IRS2: variants seen among roughly 807,000 people sequenced by gnomAD.
IRS2 encodes the protein insulin receptor substrate 2.
IRS2 carries 28 observed loss-of-function variants against 70.9 expected under a neutral mutation model. That is an observed-to-expected ratio of 0.39 (90% CI 0.29 to 0.54). The LOEUF (loss-of-function observed/expected upper bound fraction) is 0.54. Ranked by LOEUF, IRS2 falls within the 20% of genes least tolerant of loss-of-function variation. The pLI, the probability that IRS2 is intolerant of heterozygous loss-of-function variation, is 0.59. For missense variants in IRS2, 2,081 were observed against 2,024.1 expected (o/e 1.03, Z -0.54); for synonymous variants, 1,217 against 981.9 (o/e 1.24, Z -4.48).
At position 109,762,337 on chromosome 13, in the gene IRS2, A is replaced by G. The variant is rs186874740; in HGVS notation, c.4013-6029T>C. On this transcript the variant is annotated intron_variant, in intron 1 of 1. Coordinates refer to ENST00000375856, the MANE Select transcript of IRS2 (RefSeq NM_003749.3). The stretch of plus-strand genomic sequence containing the variant: ...AATTGCGGGTGGACCCTTTCTTTTA[A>G]ATTATGAAATGTTAGACCCTTTTTA... 3.1e-3 allele frequency among the ~76,000 whole-genome samples: 476 copies of G among 152,306 alleles called. 7 individuals are homozygous for G. Among genetic ancestry groups the G allele is most frequent in the South Asian group, 0.022 (106 of 4,824 alleles).
chr13:109,783,773 G>A lies in IRS2; in HGVS notation c.2281C>T (p.Leu761=), dbSNP rs747091367. 3 of 1,597,324 alleles carry A rather than the reference G, an allele frequency of 1.9e-6. No individual in the cohort carries two copies. The South Asian group carries it at 3.4e-5, about 18-fold the overall frequency. The change falls in exon 1 of 2, where the codon CTG becomes TTG. Residue 761 remains leucine (L), a synonymous_variant. Coordinates refer to ENST00000375856, the MANE Select transcript of IRS2 (RefSeq NM_003749.3). ...LSMEHADGKL[L]PNGDYLNVSP... The stretch of plus-strand genomic sequence containing the variant: ...ACGTTGAGGTAGTCCCCGTTGGGCA[G>A]CAGCTTGCCATCTGCATGCTCCATG...
In IRS2 at chr13:109,782,336, G is replaced by T. The variant is rs771644657; in HGVS notation, c.3718C>A (p.Arg1240Ser). 2 of 1,611,598 alleles carry T rather than the reference G, an allele frequency of 1.2e-6. No homozygotes were observed. Among genetic ancestry groups the T allele is most frequent in the East Asian group, 4.5e-5 (2 of 44,766 alleles). The change falls in exon 1 of 2, where the codon CGC becomes AGC. Residue 1240 changes from arginine to serine, a missense_variant. This residue lies in a region of IRS2 where 1,615 missense variants were observed against 1,459.5 expected (regional missense o/e 1.11). Coordinates refer to ENST00000375856, the MANE Select transcript of IRS2 (RefSeq NM_003749.3). ...GCPGSGGSPM[R>S]RETSAGFQNG... ...TGGAAGCCGGCAGAGGTCTCTCTGC[G>T]CATGGGCGATCCACCGCTCCCAGGA...
intron 1 of IRS2, among the ~76,000 whole-genome samples, chr13:109,770,887 A>G (rs1412334034): frequency 6.6e-6 from 1 of 152,260 alleles, no homozygotes; most frequent in Non-Finnish European, 1.5e-5. Context: ...GATTCTAAAC[A>G]GCCCAGCGAA....
Position 109,783,733 on chromosome 13 carries a change from G to C in IRS2, c.2321C>G (p.Ala774Gly). 1.9e-6 allele frequency: 3 copies of C among 1,581,934 alleles called. No homozygotes were observed. Among genetic ancestry groups the C allele is most frequent in the Non-Finnish European group, 2.6e-6 (3 of 1,164,130 alleles). ...GDYLNVSPSD[A>G]VTTGTPPDFF... ...GTCGGGCGGGGTGCCCGTGGTGACC[G>C]CGTCGCTGGGGGACACGTTGAGGTA... Residue 774 changes from alanine (A) to glycine (G), a missense_variant, in exon 1 of 2, where the codon GCG (alanine) becomes GGG (glycine). Around this residue, in one of 4 missense-constraint regions of IRS2, gnomAD observed 1,615 missense variants for 1,459.5 expected, o/e 1.11. Transcript: ENST00000375856.
In IRS2 at chr13:109,784,674, CG is replaced by C; in HGVS notation, c.1379del (p.Pro460ArgfsTer84). ...SSSGHGSGSY[P>X]PPPGPHPPLP... ...GAGGCGGGTGCGGGCCGGGCGGCGG[CG>C]GGTAGGAGCCCGAGCCGTGGCCGCT... On this transcript the variant is annotated frameshift_variant, in exon 1 of 2. Transcript: ENST00000375856. LOFTEE classifies it high-confidence loss of function. The surrounding 1 kb of genome is among the most constrained non-coding windows in gnomAD (Gnocchi z 5.2). The C allele has an allele frequency of 1.6e-6, 2 of 1,242,274 alleles. No individual in the cohort carries two copies. Among genetic ancestry groups the C allele is most frequent in the Non-Finnish European group, 2.0e-6 (2 of 996,086 alleles). The allele number at this position is 1,242,274 out of a possible 1,614,324, so 77.0% of individuals were successfully genotyped here. A position where few individuals can be genotyped will look rare whatever the true frequency, so the allele number is the denominator to read the frequency against.
At chr13:109,780,637 A>G (rs978483214) in intron 1 of IRS2, among the ~76,000 whole-genome samples, 1 of 152,334 alleles carries the variant, frequency 6.6e-6, no homozygotes, top group Middle Eastern at 3.4e-3. Flanking sequence ...AGATAGCACT[A>G]AACTGGTCTA....
intron 1 of IRS2, 111 bp downstream of exon 1, chr13:109,781,931 G>C (rs767175079): frequency 5.9e-4 from 723 of 1,226,744 alleles, no homozygotes; most frequent in Non-Finnish European, 7.6e-4. Context: ...GTGCCAGGCT[G>C]TCGGCTTCTG....
chr13:109,781,174 A>G (rs1244354824), intron 1 of IRS2, among the ~76,000 whole-genome samples: 1 of 152,118 alleles, frequency 6.6e-6, no homozygotes, highest in African/African-American at 2.4e-5. Context: ...CCCAACAGGT[A>G]ATTTTTCAAT....
intron 1 of IRS2, among the ~76,000 whole-genome samples, chr13:109,777,116 G>T (rs1028137128): frequency 6.6e-6 from 1 of 152,092 alleles, no homozygotes; most frequent in African/African-American, 2.4e-5. Flanking sequence ...ATGCAGGATG[G>T]GGGGCGGGGG....
rs1594392758 is a variant in IRS2 at position 109,785,481 on chromosome 13, C to T, written c.573G>A (p.Thr191=). 4 of 1,611,694 alleles carry T rather than the reference C, an allele frequency of 2.5e-6. No individual in the cohort carries two copies. Among genetic ancestry groups the T allele is most frequent in the East Asian group, 2.2e-5 (1 of 44,796 alleles). ...EDSYGLVAPA[T]AAYREVWQVN... is the part of the protein sequence containing the mutation. ...CCTGCCACACCTCACGGTAGGCGGC[C>T]GTGGCGGGAGCCACCAGCCCGTAGC... The change falls in exon 1 of 2, where the codon ACG becomes ACA. Residue 191 remains threonine, a synonymous_variant. Transcript: ENST00000375856. This position sits in a 1 kb window ranked among gnomAD's most constrained non-coding sequence, Gnocchi z 9.3.
In IRS2 at chr13:109,782,253, C is replaced by T. The variant is rs767251698; in HGVS notation, c.3801G>A (p.Gln1267=). ...DVREEPGLPP[Q]PQPPPPPLPQ... ...GAAGCGGCGGCGGCGGCGGCTGCGG[C>T]TGGGGTGGCAGCCCGGGCTCCTCCC... Residue 1267 remains glutamine (Q), a synonymous_variant, in exon 1 of 2, where the codon CAG becomes CAA. Transcript: ENST00000375856. The T allele has an allele frequency of 6.2e-7, 1 of 1,606,960 alleles. No individual in the cohort carries two copies. Among genetic ancestry groups the T allele is most frequent in the Admixed American group, 1.7e-5 (1 of 59,584 alleles).
chr13:109,768,678 A>C (rs747759159), intron 1 of IRS2, among the ~76,000 whole-genome samples: 2 of 152,164 alleles, frequency 1.3e-5, no homozygotes, highest in Non-Finnish European at 2.9e-5. Context: ...AAATAAGCGG[A>C]TTCAGCTTTT....
rs557370956 is a variant in IRS2 at position 109,755,294 on chromosome 13, G to A, written c.*1010C>T. 32 of 219,688 alleles carry A rather than the reference G, an allele frequency of 1.5e-4. 1 individual carries two copies. In the South Asian group the frequency reaches 4.1e-3, roughly 28 times the overall value. The allele number at this position is 219,688 out of a possible 1,614,324, so 13.6% of individuals were successfully genotyped here. ...AATAACATTTTATTAAAGATAATAC[G>A]TTTTTTAAAAATCAAATCTGCCAAA... On this transcript the variant is annotated 3_prime_UTR_variant, in exon 2 of 2. Coordinates refer to ENST00000375856, the MANE Select transcript of IRS2 (RefSeq NM_003749.3).
chr13:109,764,829 A>C (rs1349817395), intron 1 of IRS2, among the ~76,000 whole-genome samples: 1 of 152,268 alleles, frequency 6.6e-6, no homozygotes, highest in African/African-American at 2.4e-5. Context: ...GCACAAAAAC[A>C]ATGGCAAATT....
At chr13:109,761,439 T>C (rs1460042468) in intron 1 of IRS2, among the ~76,000 whole-genome samples, 3 of 152,174 alleles carry the variant, frequency 2.0e-5, no homozygotes, top group Non-Finnish European at 4.4e-5. Flanking sequence ...ATCGTACAGG[T>C]ACATCTCAGT....
chr13:109,774,900 C>G (rs1877537971), intron 1 of IRS2, among the ~76,000 whole-genome samples: 1 of 152,104 alleles, frequency 6.6e-6, no homozygotes, highest in African/African-American at 2.4e-5. Flanking sequence ...CAATATTGAT[C>G]AGAATAATGG....
Position 109,753,846 on chromosome 13 carries a change from T to C in IRS2, c.*2458A>G, listed in dbSNP as rs1877046935. The C allele has an allele frequency of 4.5e-6, 1 of 222,400 alleles. No homozygotes were observed. Among genetic ancestry groups the C allele is most frequent in the Non-Finnish European group, 9.0e-6 (1 of 111,122 alleles). The allele number at this position is 222,400 out of a possible 1,614,324, so 13.8% of individuals were successfully genotyped here. A position where few individuals can be genotyped will look rare whatever the true frequency, so the allele number is the denominator to read the frequency against. On this transcript the variant is annotated 3_prime_UTR_variant, in exon 2 of 2. Transcript: ENST00000375856. ...AATCTTCAGGACTGTATTCATTTCA[T>C]AAATAATGTACTTTATTTTATTGCA... is the stretch of plus-strand genomic sequence containing the variant.
chr13:109,759,184 C>A (rs1306104406), intron 1 of IRS2, among the ~76,000 whole-genome samples: 1 of 152,212 alleles, frequency 6.6e-6, no homozygotes, highest in Admixed American at 6.5e-5. Context: ...TAGGTTAATA[C>A]AACCGCTTTC....
intron 1 of IRS2, among the ~76,000 whole-genome samples, chr13:109,758,549 GT>G (rs34195893): frequency 0.75 from 113,357 of 151,868 alleles, 44,453 homozygotes; most frequent in Middle Eastern, 0.88. Context: ...CATTTTCATT[GT>G]TTTTTTTAGG....
Sources: gnomAD v4.1 joint callset for allele counts (sites outside exome capture counted in the v4.1 genomes callset) on GRCh38, gnomAD v4.1.1 for gene constraint, gnomAD v4.1.1 regional missense constraint, Gnocchi (gnomAD v3.1) non-coding constraint, MANE v1.5 for transcripts, NCBI Gene and HGNC (gene_info 2026-07-23, HGNC 2026-07-21) for gene names.